The following DAB1 variants were observed in gnomAD, a reference collection of about 807,000 sequenced individuals.
DAB1 encodes the protein disabled homolog 1.
Under a neutral mutation model 64.6 loss-of-function variants are expected in DAB1, and 15 were observed. The observed-to-expected ratio is 0.23, with a 90% CI of 0.16 to 0.36. DAB1 has a LOEUF of 0.36. Among genes scored for constraint, DAB1 ranks in the 10% least tolerant of loss-of-function variants. The pLI is 1.00. For missense variants in DAB1, 596 were observed against 706.7 expected, an observed-to-expected ratio of 0.84 and a Z score of 1.78; for synonymous variants, 235 against 251.9, an observed-to-expected ratio of 0.93 and a Z score of 0.64.
In DAB1 at chr1:57,707,023, G is replaced by A. The variant is rs181735951; in HGVS notation, n.552-57358C>T. On this transcript the variant is annotated intron_variant and non_coding_transcript_variant, in intron 6 of 20. Coordinates refer to the DAB1 transcript ENST00000485760. ...CGGGAAGTGGAGGTTGCAGTGAGCC[G>A]AGATCATGCCACTGTCCTCTAGCCT... Among the ~76,000 whole-genome samples, 15 of 152,116 alleles carry A rather than the reference G, an allele frequency of 9.9e-5. No individual in the cohort carries two copies. In the East Asian group the frequency reaches 2.9e-3, roughly 29 times the overall value.
intron 4 of DAB1, among the ~76,000 whole-genome samples, chr1:58,256,105 GGA>G (rs1449730437): frequency 1.3e-5 from 2 of 151,984 alleles, no homozygotes; most frequent in South Asian, 2.1e-4. Context: ...CTTCTGAGAG[GGA>G]GAGAGGGGAC....
chr1:57,312,608 C>T (rs958208938), intron 1 of DAB1, among the ~76,000 whole-genome samples: 21 of 152,170 alleles, frequency 1.4e-4, no homozygotes, highest in African/African-American at 5.1e-4. Context: ...CAGGCTAATG[C>T]ATCCAGGATC....
At chr1:57,497,414 T>C (rs1361451815) in intron 7 of DAB1, among the ~76,000 whole-genome samples, 1 of 152,220 alleles carries the variant, frequency 6.6e-6, no homozygotes, top group Non-Finnish European at 1.5e-5. Context: ...ATGTCTACTG[T>C]GTTCCTAGCA....
intron 2 of DAB1, among the ~76,000 whole-genome samples, chr1:57,287,213 T>G (rs916464213): frequency 3.9e-5 from 6 of 152,102 alleles, no homozygotes; most frequent in African/African-American, 1.2e-4. Flanking sequence ...CTGGGACTAC[T>G]GGCATGCGCC....
At chr1:58,158,253 A>G (rs996760427) in intron 4 of DAB1, among the ~76,000 whole-genome samples, 30 of 152,158 alleles carry the variant, frequency 2.0e-4, no homozygotes, top group Admixed American at 1.2e-3. Flanking sequence ...GCATTTACCC[A>G]TTGTCTATGT....
intron 7 of DAB1, among the ~76,000 whole-genome samples, chr1:57,522,553 G>A (rs140334663): frequency 0.21 from 31,951 of 152,194 alleles, 4,108 homozygotes; most frequent in Non-Finnish European, 0.29. Flanking sequence ...CAGGGCTGGG[G>A]AGGCCTCACA....
At chr1:57,251,157 C>T (rs1207756224) in intron 2 of DAB1, among the ~76,000 whole-genome samples, 1 of 152,212 alleles carries the variant, frequency 6.6e-6, no homozygotes, top group African/African-American at 2.4e-5. Context: ...ACCAGAAATG[C>T]TACCAGATTT....
intron 3 of DAB1, among the ~76,000 whole-genome samples, chr1:58,396,357 C>T (rs1333320371): frequency 6.6e-6 from 1 of 152,044 alleles, no homozygotes; most frequent in African/African-American, 2.4e-5. Flanking sequence ...TTAGGCATTC[C>T]CCAGAGGCAA....
At chr1:58,254,383 AT>A (rs111526055) in intron 4 of DAB1, among the ~76,000 whole-genome samples, 8 of 146,106 alleles carry the variant, frequency 5.5e-5, no homozygotes, top group Admixed American at 1.3e-4. Flanking sequence ...GAATTTATTT[AT>A]TTTTTTTTCT....
chr1:58,129,551 C>G (rs199974841), intron 5 of DAB1, among the ~76,000 whole-genome samples: 20,485 of 111,902 alleles, frequency 0.18, 2,104 homozygotes, highest in African/African-American at 0.32. Flanking sequence ...TGTGATGTTA[C>G]GGTGTCAATT....
rs570829142 is a variant in DAB1 at position 57,904,169 on chromosome 1, C to T, written n.388-20007G>A. Reference sequence around the variant, plus strand: ...AGGCCTCAGCCTGAGATTCTGCATTCCTAACAAGTTCCTAGGTGAAGCTGA... The same window carrying T: ...AGGCCTCAGCCTGAGATTCTGCATTTCTAACAAGTTCCTAGGTGAAGCTGA... On this transcript the variant is annotated intron_variant and non_coding_transcript_variant, in intron 5 of 20. Coordinates refer to the DAB1 transcript ENST00000485760. Among the ~76,000 whole-genome samples the T allele has an allele frequency of 2.6e-5, 4 of 152,324 alleles. No homozygotes were observed. In the South Asian group the frequency reaches 8.3e-4, roughly 32 times the overall value.
At chr1:58,244,113 C>G (rs1017624947) in intron 4 of DAB1, among the ~76,000 whole-genome samples, 3 of 152,184 alleles carry the variant, frequency 2.0e-5, no homozygotes, top group Non-Finnish European at 4.4e-5. Flanking sequence ...TGACTCTCAG[C>G]ATTCATTTAA....
At chr1:57,056,253 C>T (rs1251093523) in intron 9 of DAB1, among the ~76,000 whole-genome samples, 1 of 150,346 alleles carries the variant, frequency 6.7e-6, no homozygotes, top group East Asian at 2.0e-4. Flanking sequence ...AATCCCAGTG[C>T]TTTGGGAGAC....
At chr1:57,065,529 G>A (rs1333516475) in intron 8 of DAB1, among the ~76,000 whole-genome samples, 2 of 152,056 alleles carry the variant, frequency 1.3e-5, no homozygotes, top group Non-Finnish European at 2.9e-5. Flanking sequence ...GGCAGGTTGG[G>A]GTATTTTATT....
chr1:57,206,982 T>TTTTTTTTTTTTTTTTTTTTTTTTTTTTC (rs1665605730), intron 2 of DAB1, among the ~76,000 whole-genome samples: 1 of 144,278 alleles, frequency 6.9e-6, no homozygotes, highest in African/African-American at 2.6e-5. Context: ...TTTTTTTTTT[T>TTTTTTTTTTTTTTTTTTTTTTTTTTTTC]TTTTTTTTGG....
At chr1:57,828,866 T>G (rs192595248) in intron 1 of DAB1, among the ~76,000 whole-genome samples, 6 of 152,334 alleles carry the variant, frequency 3.9e-5, no homozygotes, top group African/African-American at 1.4e-4. Flanking sequence ...ACCGGTGATT[T>G]AAATATCACC....
At chr1:58,039,605 C>T (rs1352097284) in intron 5 of DAB1, among the ~76,000 whole-genome samples, 3 of 152,080 alleles carry the variant, frequency 2.0e-5, no homozygotes, top group Non-Finnish European at 2.9e-5. Flanking sequence ...TTCCATCCCC[C>T]GTCCCCCACA....
intron 8 of DAB1, among the ~76,000 whole-genome samples, chr1:57,065,753 G>A (rs536622905): frequency 5.3e-5 from 8 of 152,128 alleles, no homozygotes; most frequent in African/African-American, 7.2e-5. Flanking sequence ...CCAAATCCTG[G>A]GTCTGCCACA....
At chr1:57,221,283 A>G (rs1373786584) in intron 2 of DAB1, among the ~76,000 whole-genome samples, 2 of 151,910 alleles carry the variant, frequency 1.3e-5, no homozygotes, top group Non-Finnish European at 2.9e-5. Context: ...GCATTAGGAG[A>G]TATACCTAAT....
Sources: gnomAD v4.1 joint callset for allele counts (sites outside exome capture counted in the v4.1 genomes callset) on GRCh38, gnomAD v4.1.1 for gene constraint, MANE v1.5 for transcripts, NCBI Gene and HGNC (gene_info 2026-07-23, HGNC 2026-07-21) for gene names.